Variants in SHISA9 observed in about 807,000 individuals in gnomAD.
SHISA9 encodes shisa family member 9.
In SHISA9, 13 loss-of-function variants were observed where a neutral mutation model predicts 38.0. The ratio of observed to expected loss-of-function variants is 0.34; its 90% confidence interval spans 0.22 to 0.54. SHISA9 has a LOEUF of 0.54. Ranked by LOEUF, SHISA9 falls within the 20% of genes least tolerant of loss-of-function variation. The pLI, the probability that SHISA9 is intolerant of heterozygous loss-of-function variation, is 0.91. For missense variants in SHISA9, 538 were observed against 575.8 expected (o/e 0.93, Z 0.67); for synonymous variants, 275 against 242.0 (o/e 1.14, Z -1.27).
the SHISA9 span, among the ~76,000 whole-genome samples, chr16:13,451,260 T>C: frequency 6.6e-6 from 1 of 152,186 alleles, no homozygotes; most frequent in Non-Finnish European, 1.5e-5. Context: ...ACACACCCTT[T>C]ATGGTCTGCC....
intron 2 of SHISA9, among the ~76,000 whole-genome samples, chr16:13,005,083 C>G (rs540146283): frequency 6.6e-6 from 1 of 151,900 alleles, no homozygotes; most frequent in Non-Finnish European, 1.5e-5. Context: ...CTGGGTTAGG[C>G]AATTAAGACC....
chr16:13,501,025 C>T, the SHISA9 span, among the ~76,000 whole-genome samples: 1,083 of 152,250 alleles, frequency 7.1e-3, 8 homozygotes, highest in Middle Eastern at 0.02. Flanking sequence ...GGCTGGAGGA[C>T]GGGTGCACTT....
chr16:13,524,304 A>G, the SHISA9 span, among the ~76,000 whole-genome samples: 1 of 152,196 alleles, frequency 6.6e-6, no homozygotes, highest in African/African-American at 2.4e-5. Context: ...CAATAATTTG[A>G]TATTCATTTT....
Position 12,908,385 on chromosome 16 carries a change from A to C in SHISA9, c.563+5758A>C, listed in dbSNP as rs35786173. The C allele has an allele frequency of 9.0e-3, 13,662 of 1,519,108 alleles. 78 individuals are homozygous for C. The highest frequency in any genetic ancestry group is 0.011 in the Non-Finnish European group (12,053 of 1,133,572). 94.1% of individuals were successfully genotyped at this position (1,519,108 alleles called of 1,614,324 possible). On this transcript the variant is annotated intron_variant, in intron 1 of 4. Coordinates refer to ENST00000558583, the MANE Select transcript of SHISA9 (RefSeq NM_001145204.3). ...AAATACATTGCAAAGTGTTGGCCTAAGTGGTGTTGAAAAATCCTTGTTGGT... is the reference window on the plus strand; with the variant it reads ...AAATACATTGCAAAGTGTTGGCCTACGTGGTGTTGAAAAATCCTTGTTGGT...
chr16:13,105,517 G>T (rs370674152), intron 2 of SHISA9, among the ~76,000 whole-genome samples: 42 of 152,216 alleles, frequency 2.8e-4, no homozygotes, highest in African/African-American at 4.8e-4. Flanking sequence ...GGATGGGTAG[G>T]ATGTCCCCAT....
chr16:13,351,131 T>C, the SHISA9 span, among the ~76,000 whole-genome samples: 14 of 152,250 alleles, frequency 9.2e-5, no homozygotes, highest in East Asian at 2.7e-3. Context: ...GAGAAACAGA[T>C]ACCTTTCTCA....
chr16:13,004,951 A>AAAAAGAAG, intron 2 of SHISA9, among the ~76,000 whole-genome samples: 1 of 82,174 alleles, frequency 1.2e-5, no homozygotes, highest in East Asian at 3.8e-4. Context: ...AAGAAAAAAA[A>AAAAAGAAG]AAAAAAAGAA....
rs183777265 is a variant in SHISA9 at position 12,938,280 on chromosome 16, G to A, written c.691+21465G>A. Among the ~76,000 whole-genome samples the A allele has an allele frequency of 2.0e-3, 299 of 152,238 alleles. 4 individuals are homozygous for A. Among genetic ancestry groups the A allele is most frequent in the South Asian group, 8.9e-3 (43 of 4,822 alleles). On this transcript the variant is annotated intron_variant, in intron 2 of 4. Transcript: ENST00000558583. ...CTGGGGGAATTGAGACCATAGTGGG[G>A]CTATCAATGACTTACTGCAACTCTC...
chr16:13,433,495 T>C, the SHISA9 span, among the ~76,000 whole-genome samples: 3 of 150,942 alleles, frequency 2.0e-5, no homozygotes, highest in Non-Finnish European at 4.4e-5. Flanking sequence ...GGCAAACTGC[T>C]ATTATCCTTA....
At chr16:13,206,539 C>T (rs964919495) in intron 3 of SHISA9, among the ~76,000 whole-genome samples, 4 of 152,178 alleles carry the variant, frequency 2.6e-5, no homozygotes, top group Non-Finnish European at 4.4e-5. Flanking sequence ...TAGGGCCAGG[C>T]ACTTCCTAGG....
At chr16:13,071,101 G>A (rs1369325995) in intron 2 of SHISA9, among the ~76,000 whole-genome samples, 1 of 151,928 alleles carries the variant, frequency 6.6e-6, no homozygotes, top group Non-Finnish European at 1.5e-5. Context: ...AGAAATGGAT[G>A]GTGTGATGTT....
At chr16:12,984,428 C>T (rs1039617580) in intron 2 of SHISA9, among the ~76,000 whole-genome samples, 1 of 152,156 alleles carries the variant, frequency 6.6e-6, no homozygotes, top group African/African-American at 2.4e-5. Flanking sequence ...CTCTTATTTA[C>T]TGATATTGTG....
At chr16:13,347,330 T>G in the SHISA9 span, among the ~76,000 whole-genome samples, 2 of 152,196 alleles carry the variant, frequency 1.3e-5, no homozygotes, top group Non-Finnish European at 2.9e-5. Context: ...GCATAAAGGC[T>G]GCATACCTCG....
the SHISA9 span, among the ~76,000 whole-genome samples, chr16:13,476,751 T>TTTG: frequency 7.6e-6 from 1 of 131,430 alleles, no homozygotes; most frequent in Non-Finnish European, 1.7e-5. Flanking sequence ...TTTTTTTTTT[T>TTTG]TTTTTTTTTT....
chr16:13,338,974 G>A, the SHISA9 span, among the ~76,000 whole-genome samples: 1 of 152,112 alleles, frequency 6.6e-6, no homozygotes, highest in East Asian at 1.9e-4. Context: ...TTGGTACATG[G>A]AATTTCAGGG....
At chr16:13,074,591 A>T (rs529581062) in intron 2 of SHISA9, among the ~76,000 whole-genome samples, 2 of 151,826 alleles carry the variant, frequency 1.3e-5, no homozygotes, top group South Asian at 2.1e-4. Context: ...AGCTTCCTAC[A>T]CTTGTGGGAG....
chr16:13,202,443 G>A (rs1418379639), intron 2 of SHISA9, among the ~76,000 whole-genome samples: 1 of 134,240 alleles, frequency 7.4e-6, no homozygotes, highest in Non-Finnish European at 1.6e-5. Context: ...CCTTCAAGCA[G>A]CCAATATTTA....
chr16:13,005,419 T>C (rs1192045952), intron 2 of SHISA9, among the ~76,000 whole-genome samples: 2 of 152,102 alleles, frequency 1.3e-5, no homozygotes, highest in African/African-American at 4.8e-5. Flanking sequence ...ATCTTGCAAA[T>C]ACCGTAGGGA....
intron 2 of SHISA9, among the ~76,000 whole-genome samples, chr16:13,084,337 C>G (rs1206696446): frequency 6.6e-6 from 1 of 152,158 alleles, no homozygotes; most frequent in Non-Finnish European, 1.5e-5. Context: ...GAAATATGTT[C>G]CCATGAACTC....
Sources: gnomAD v4.1 joint callset for allele counts (sites outside exome capture counted in the v4.1 genomes callset) on GRCh38, gnomAD v4.1.1 for gene constraint, MANE v1.5 for transcripts, NCBI Gene and HGNC (gene_info 2026-07-23, HGNC 2026-07-21) for gene names.